The following SPATA18 variants were observed in gnomAD, a reference collection of about 807,000 sequenced individuals.
SPATA18 encodes mitochondria-eating protein.
In SPATA18, 54 loss-of-function variants were observed where a neutral mutation model predicts 68.1. The ratio of observed to expected loss-of-function variants is 0.79; its 90% CI spans 0.64 to 0.99. The LOEUF (loss-of-function observed/expected upper bound fraction) is 0.99. Among genes scored for constraint, SPATA18 ranks in the 50% least tolerant of loss-of-function variants. SPATA18 has a pLI of 0.00. For missense variants in SPATA18, 724 were observed against 681.1 expected (o/e 1.06, Z -0.70); for synonymous variants, 242 against 244.8 (o/e 0.99, Z 0.11).
At chr4:52,086,842 C>G (rs950899359) in intron 11 of SPATA18, among the ~76,000 whole-genome samples, 1 of 152,204 alleles carries the variant, frequency 6.6e-6, no homozygotes, top group Non-Finnish European at 1.5e-5. Flanking sequence ...AATCACCACA[C>G]TCTCTTTCAC....
At chr4:52,088,269 C>G (rs567750804) in intron 11 of SPATA18, among the ~76,000 whole-genome samples, 6 of 152,114 alleles carry the variant, frequency 3.9e-5, no homozygotes, top group African/African-American at 1.4e-4. Context: ...TTATTTTTTT[C>G]TCTTGCCTGA....
chr4:52,080,014 G>A, intron 9 of SPATA18, 95 bp downstream of exon 9: 11 of 1,367,836 alleles, frequency 8.0e-6, no homozygotes, highest in Non-Finnish European at 9.9e-6. Context: ...ACTCTGGGTG[G>A]AGAAATTAAC....
At chr4:52,072,527 C>T (rs549821359) in intron 6 of SPATA18, among the ~76,000 whole-genome samples, 5 of 152,156 alleles carry the variant, frequency 3.3e-5, no homozygotes, top group South Asian at 2.1e-4. Context: ...CTCAGCCTCC[C>T]GACTAGCTGG....
rs1005185900 is a variant in SPATA18 at position 52,065,872 on chromosome 4, G to T, written c.422+3540G>T. On this transcript the variant is annotated intron_variant, in intron 4 of 12. Transcript: ENST00000295213. ...ACCCCCAAGCAAGGGAAGATTTTTA[G>T]ATTTTATGCCTGGATTCTGGTTATG... Among the ~76,000 whole-genome samples, 11 of 152,292 alleles carry T rather than the reference G, an allele frequency of 7.2e-5. No individual in the cohort carries two copies. The East Asian group carries it at 2.1e-3, about 29-fold the overall frequency.
intron 9 of SPATA18, among the ~76,000 whole-genome samples, chr4:52,081,718 A>G (rs544843952): frequency 6.6e-6 from 1 of 152,252 alleles, no homozygotes; most frequent in South Asian, 2.1e-4. Context: ...ATTTGTGAAA[A>G]TGCTTTTTAG....
intron 1 of SPATA18, among the ~76,000 whole-genome samples, chr4:52,057,225 G>C (rs1179617699): frequency 6.6e-6 from 1 of 151,780 alleles, no homozygotes; most frequent in Non-Finnish European, 1.5e-5. Flanking sequence ...TTTGTTTCCA[G>C]GGCCTTACAT....
intron 7 of SPATA18, among the ~76,000 whole-genome samples, chr4:52,077,933 G>A (rs1740538416): frequency 6.6e-6 from 1 of 152,158 alleles, no homozygotes; most frequent in East Asian, 1.9e-4. Flanking sequence ...CAAAACATTG[G>A]TATGAGAGCA....
chr4:52,085,723 C>A (rs931102659), intron 11 of SPATA18, among the ~76,000 whole-genome samples: 3 of 151,874 alleles, frequency 2.0e-5, no homozygotes, highest in African/African-American at 7.2e-5. Context: ...AATCCTCCCC[C>A]AAATTATCTG....
chr4:52,077,519 T>A (rs996493170), intron 7 of SPATA18, among the ~76,000 whole-genome samples: 3 of 151,844 alleles, frequency 2.0e-5, no homozygotes, highest in Non-Finnish European at 2.9e-5. Context: ...AGTTATATAA[T>A]ATTTATTTAT....
At chr4:52,072,910 T>C (rs1739989491) in intron 6 of SPATA18, among the ~76,000 whole-genome samples, 1 of 152,208 alleles carries the variant, frequency 6.6e-6, no homozygotes, top group African/African-American at 2.4e-5. Flanking sequence ...TGAAGTGTTC[T>C]TGTGAAATCC....
At chr4:52,070,360 T>C (rs1472835930) in intron 5 of SPATA18, among the ~76,000 whole-genome samples, 1 of 152,172 alleles carries the variant, frequency 6.6e-6, no homozygotes, top group African/African-American at 2.4e-5. Context: ...ATTGAATATT[T>C]ACTTGTATAC....
intron 7 of SPATA18, 92 bp downstream of exon 7, chr4:52,077,132 T>C: frequency 7.2e-7 from 1 of 1,384,522 alleles, no homozygotes; most frequent in Middle Eastern, 2.1e-4. Flanking sequence ...GACTAGTGGA[T>C]CCTGAGGTCA....
intron 11 of SPATA18, among the ~76,000 whole-genome samples, chr4:52,087,877 C>G (rs1252016426): frequency 1.3e-5 from 2 of 152,088 alleles, no homozygotes; most frequent in Admixed American, 1.3e-4. Flanking sequence ...GCCATTTTCA[C>G]GATATTAACT....
chr4:52,060,739 T>C (rs1417005900), intron 2 of SPATA18, 43 bp from the exon 3 acceptor site: 1 of 1,520,622 alleles, frequency 6.6e-7, no homozygotes, highest in East Asian at 2.3e-5. Flanking sequence ...ACATGTGCCA[T>C]GTTGGTGTGC....
chr4:52,052,483 C>G (rs1737981710), intron 1 of SPATA18, among the ~76,000 whole-genome samples: 2 of 152,138 alleles, frequency 1.3e-5, no homozygotes, highest in Non-Finnish European at 2.9e-5. Flanking sequence ...CATAATTCCC[C>G]CCTTCCCCCA....
chr4:52,070,339 A>G (rs1163423307), intron 5 of SPATA18, among the ~76,000 whole-genome samples: 1 of 152,072 alleles, frequency 6.6e-6, no homozygotes, highest in Admixed American at 6.6e-5. Flanking sequence ...TCATTTGGGG[A>G]TTTCCCTCAT....
At chr4:52,062,090 C>T (rs1314317106) in intron 3 of SPATA18, 130 bp from the exon 4 acceptor site, 1 of 601,670 alleles carries the variant, frequency 1.7e-6, no homozygotes, top group South Asian at 2.3e-5. Context: ...TTTGCCTGTA[C>T]TAGAACTTCA....
chr4:52,062,346 A>G lies in SPATA18; in HGVS notation c.422+14A>G, dbSNP rs1020810015. 15 of 1,509,840 alleles carry G rather than the reference A, an allele frequency of 9.9e-6. No individual in the cohort carries two copies. The highest frequency in any genetic ancestry group is 1.4e-5 in the Non-Finnish European group (15 of 1,101,496). The allele number at this position is 1,509,840 out of a possible 1,614,324, so 93.5% of individuals were successfully genotyped here. On this transcript the variant is annotated intron_variant, in intron 4 of 12. Transcript: ENST00000295213. ...GGTTCAAGACGAGTAAGAGGAATGC[A>G]AGTTATCTTTTTCCAAAAAGAATTG...
chr4:52,078,926 G>T (rs756720233), intron 8 of SPATA18, 33 bp downstream of exon 8: 10 of 1,516,404 alleles, frequency 6.6e-6, no homozygotes, highest in South Asian at 6.5e-5. Flanking sequence ...GGACTGGTTT[G>T]CTGCTGCTGC....
Sources: gnomAD v4.1 joint callset for allele counts (sites outside exome capture counted in the v4.1 genomes callset) on GRCh38, gnomAD v4.1.1 for gene constraint, MANE v1.5 for transcripts, NCBI Gene and HGNC (gene_info 2026-07-23, HGNC 2026-07-21) for gene names.